PPIL6: variants seen among roughly 807,000 people sequenced by gnomAD.
The protein encoded by PPIL6 is probable inactive peptidyl-prolyl cis-trans isomerase-like 6.
PPIL6 carries 39 observed loss-of-function variants against 36.8 expected under a neutral mutation model. That is an observed-to-expected ratio of 1.06 (90% CI 0.82 to 1.38). The LOEUF is 1.38. Among genes scored for constraint, PPIL6 ranks in the 40% most tolerant of loss-of-function variants. The pLI, the probability that PPIL6 is intolerant of heterozygous loss-of-function variation, is 0.00. For missense variants in PPIL6, 368 were observed against 379.1 expected (o/e 0.97, Z 0.24); for synonymous variants, 123 against 134.1 (o/e 0.92, Z 0.57).
intron 1 of PPIL6, among the ~76,000 whole-genome samples, chr6:109,437,548 C>CTTTTTTT (rs71551374): frequency 1.8e-4 from 18 of 97,950 alleles, no homozygotes; most frequent in Non-Finnish European, 2.4e-4. Flanking sequence ...TATTTCTTTT[C>CTTTTTTT]TTTTTTTTTT....
chr6:109,410,174 C>A (rs1046417700), intron 6 of PPIL6, among the ~76,000 whole-genome samples: 1 of 152,202 alleles, frequency 6.6e-6, no homozygotes, highest in African/African-American at 2.4e-5. Context: ...CAGTTGGCAC[C>A]ATTTCTGCTG....
intron 5 of PPIL6, among the ~76,000 whole-genome samples, chr6:109,423,793 A>T (rs753705560): frequency 6.6e-6 from 1 of 152,180 alleles, no homozygotes; most frequent in Non-Finnish European, 1.5e-5. Context: ...CCAAAGTGGT[A>T]TAATGACTTG....
rs898740818 is a variant in PPIL6, at chr6:109,427,002, A to G, written c.484-8T>C. On this transcript the variant is annotated splice_polypyrimidine_tract_variant and splice_region_variant and intron_variant, in intron 4 of 7. Coordinates refer to ENST00000521072, the MANE Select transcript of PPIL6 (RefSeq NM_173672.5). ...ACACACATCACAGTATAGCTACAAA[A>G]TAAAGACAAAAGGTTTCAAAGATTA... is the stretch of plus-strand genomic sequence containing the variant. The G allele has an allele frequency of 6.9e-6, 11 of 1,604,154 alleles. No homozygotes were observed. Among genetic ancestry groups the G allele is most frequent in the Non-Finnish European group, 9.4e-6 (11 of 1,172,802 alleles).
chr6:109,394,070 T>C (rs961673955), intron 7 of PPIL6, among the ~76,000 whole-genome samples: 5 of 152,086 alleles, frequency 3.3e-5, no homozygotes, highest in Non-Finnish European at 2.9e-5. Flanking sequence ...AAAAGACAGC[T>C]CAAAGCCATG....
intron 6 of PPIL6, among the ~76,000 whole-genome samples, chr6:109,416,512 CTT>C (rs35346449): frequency 0.43 from 59,928 of 139,012 alleles, 12,483 homozygotes; most frequent in East Asian, 0.54. Context: ...CTTTTTGTGG[CTT>C]TTTTTTTTTT....
chr6:109,399,424 G>C (rs951127027), intron 7 of PPIL6, among the ~76,000 whole-genome samples: 1 of 147,798 alleles, frequency 6.8e-6, no homozygotes, highest in Non-Finnish European at 1.5e-5. Context: ...ATTTATTTTT[G>C]AGACAGAGTC....
At chr6:109,402,274 G>T (rs1772584350) in intron 6 of PPIL6, among the ~76,000 whole-genome samples, 1 of 151,844 alleles carries the variant, frequency 6.6e-6, no homozygotes, top group African/African-American at 2.4e-5. Context: ...AGTGCCTCAT[G>T]CCTGTAATCC....
At chr6:109,439,846 C>CT (rs1238893555) in intron 1 of PPIL6, among the ~76,000 whole-genome samples, 30 of 152,180 alleles carry the variant, frequency 2.0e-4, no homozygotes, top group African/African-American at 6.5e-4. Flanking sequence ...TGTAAGTGTG[C>CT]TGCAGCATGA....
At chr6:109,397,961 G>A (rs1772367783) in intron 7 of PPIL6, among the ~76,000 whole-genome samples, 1 of 151,248 alleles carries the variant, frequency 6.6e-6, no homozygotes, top group African/African-American at 2.4e-5. Flanking sequence ...GTGCGATCTC[G>A]GCTCACTGCA....
In PPIL6 at chr6:109,440,486, G is replaced by A. The variant is rs1487318670; in HGVS notation, c.105C>T (p.Pro35=). 1 of 1,539,746 alleles carries A rather than the reference G, an allele frequency of 6.5e-7. No individual in the cohort carries two copies. Among genetic ancestry groups the A allele is most frequent in the South Asian group, 1.2e-5 (1 of 83,138 alleles). Residue 35 remains proline (P), a synonymous_variant, in exon 1 of 8, where the codon CCC becomes CCT. Transcript: ENST00000521072. ...QVKVVGLFSC[P]NFQIAKSAAE... ...CGGCGCTCTTCGCAATCTGAAAGTTGGGGCAGCTGAAGAGCCCCACCACCT... is the reference window on the plus strand; with the variant it reads ...CGGCGCTCTTCGCAATCTGAAAGTTAGGGCAGCTGAAGAGCCCCACCACCT...
At chr6:109,420,332 C>CAAAAAAAAAAAAAAAAA (rs564751735) in intron 5 of PPIL6, among the ~76,000 whole-genome samples, 4 of 50,950 alleles carry the variant, frequency 7.9e-5, no homozygotes, top group Non-Finnish European at 1.2e-4. Context: ...GACTCCATCT[C>CAAAAAAAAAAAAAAAAA]AAAAAAAAAA....
chr6:109,401,533 C>T (rs1481342044), intron 6 of PPIL6, among the ~76,000 whole-genome samples: 3 of 152,096 alleles, frequency 2.0e-5, no homozygotes, highest in African/African-American at 4.8e-5. Flanking sequence ...TTACTTTCAG[C>T]CTGGTAAGTT....
chr6:109,392,716 G>T lies in PPIL6; in HGVS notation c.*110C>A. Reference sequence around the variant, plus strand: ...GGGTGTAGATGAGGCAACCTACAGTGTCTGCCACGGCTTTCAAATTACAAT... The same window carrying T: ...GGGTGTAGATGAGGCAACCTACAGTTTCTGCCACGGCTTTCAAATTACAAT... On this transcript the variant is annotated 3_prime_UTR_variant, in exon 8 of 8. Coordinates refer to ENST00000521072, the MANE Select transcript of PPIL6 (RefSeq NM_173672.5). The T allele has an allele frequency of 1.5e-6, 1 of 672,882 alleles. No homozygotes were observed. Among genetic ancestry groups the T allele is most frequent in the Non-Finnish European group, 2.5e-6 (1 of 396,068 alleles). 41.7% of individuals were successfully genotyped at this position (672,882 alleles called of 1,614,324 possible). A position where few individuals can be genotyped will look rare whatever the true frequency, so the allele number is the denominator to read the frequency against.
chr6:109,396,909 C>G (rs1582520589), intron 7 of PPIL6, among the ~76,000 whole-genome samples: 1 of 151,798 alleles, frequency 6.6e-6, no homozygotes, highest in African/African-American at 2.4e-5. Flanking sequence ...GAGGAATATT[C>G]TTTATCTCTC....
chr6:109,403,978 G>A lies in PPIL6; in HGVS notation c.689-3808C>T, dbSNP rs540257833. Among the ~76,000 whole-genome samples, 24 of 152,262 alleles carry A rather than the reference G, an allele frequency of 1.6e-4. 1 individual carries two copies. Among genetic ancestry groups the A allele is most frequent in the South Asian group, 2.1e-4 (1 of 4,830 alleles). ...TGTTCTGAGGACTAGCTGTGCTCTC[G>A]CTTTCACAGTTACTCATCTTTCCTT... On this transcript the variant is annotated intron_variant, in intron 6 of 7. Coordinates refer to ENST00000521072, the MANE Select transcript of PPIL6 (RefSeq NM_173672.5).
intron 7 of PPIL6, 123 bp downstream of exon 7, chr6:109,399,912 T>C (rs1158708983): frequency 1.5e-6 from 1 of 649,770 alleles, no homozygotes; most frequent in East Asian, 3.0e-5. Flanking sequence ...CTATTTGTAT[T>C]ATTTTTGCAT....
intron 6 of PPIL6, among the ~76,000 whole-genome samples, chr6:109,402,405 G>T (rs961858677): frequency 1.8e-4 from 27 of 152,104 alleles, no homozygotes; most frequent in African/African-American, 6.5e-4. Context: ...GTGTGGTGGT[G>T]CATGCCTGTA....
intron 1 of PPIL6, 33 bp downstream of exon 1, chr6:109,440,423 G>A (rs759817474): frequency 3.3e-6 from 5 of 1,534,866 alleles, no homozygotes; most frequent in Non-Finnish European, 4.4e-6. Flanking sequence ...TAGCGGGGAG[G>A]GCCGCCCACG....
At chr6:109,438,176 T>C (rs573868564) in intron 1 of PPIL6, among the ~76,000 whole-genome samples, 1 of 152,292 alleles carries the variant, frequency 6.6e-6, no homozygotes, top group East Asian at 1.9e-4. Flanking sequence ...TATTATTTCT[T>C]TGTGTTGGGA....
Sources: allele counts gnomAD v4.1 joint callset (sites outside exome capture counted in the v4.1 genomes callset), GRCh38; gene constraint gnomAD v4.1.1; transcripts MANE v1.5; gene names NCBI Gene and HGNC (gene_info 2026-07-23, HGNC 2026-07-21).